ABL1: variants seen among roughly 807,000 people sequenced by gnomAD.
The protein encoded by ABL1 is tyrosine-protein kinase ABL1.
In ABL1, 11 loss-of-function variants were observed where a neutral mutation model predicts 94.7. That is an observed-to-expected ratio of 0.12 (90% CI 0.07 to 0.19). The LOEUF is 0.19. Ranked by LOEUF, ABL1 falls within the 10% of genes least tolerant of loss-of-function variation. The pLI is 1.00. For missense variants in ABL1, 1,082 were observed against 1,489.4 expected (o/e 0.73, Z 4.50); for synonymous variants, 656 against 622.4 (o/e 1.05, Z -0.80).
chr9:130,835,764 T>A lies in ABL1; in HGVS notation c.79+239T>A, dbSNP rs1180160768. ...TTGTCTCTCTCTTTTTCTCTCTCTCTGTCTCTTTCTCTTTCTCGCGATGGC... is the reference window on the plus strand; with the variant it reads ...TTGTCTCTCTCTTTTTCTCTCTCTCAGTCTCTTTCTCTTTCTCGCGATGGC... On this transcript the variant is annotated intron_variant, in intron 1 of 10. Transcript: ENST00000318560. The surrounding 1 kb of genome is among the most constrained non-coding windows in gnomAD (Gnocchi z 4.6). Among the ~76,000 whole-genome samples the A allele has an allele frequency of 6.6e-6, 1 of 152,200 alleles. No individual in the cohort carries two copies. The highest frequency in any genetic ancestry group is 2.4e-5 in the African/African-American group (1 of 41,458).
chr9:130,832,209 C>T (rs1477885113), upstream of ABL1, among the ~76,000 whole-genome samples: 1 of 151,086 alleles, frequency 6.6e-6, no homozygotes, highest in Admixed American at 6.6e-5. Context: ...CTGCATCCTC[C>T]ACCTCCCAGG....
chr9:130,760,696 C>T (rs910256189), intron 1 of ABL1, among the ~76,000 whole-genome samples: 2 of 151,250 alleles, frequency 1.3e-5, no homozygotes, highest in Non-Finnish European at 2.9e-5. Flanking sequence ...TGGAGTCTCG[C>T]TCTGTCGCCA....
intron 1 of ABL1, among the ~76,000 whole-genome samples, chr9:130,829,981 G>A (rs867525565): frequency 6.6e-6 from 1 of 152,058 alleles, no homozygotes; most frequent in Non-Finnish European, 1.5e-5. Flanking sequence ...CTGTCTCTGC[G>A]GAAACATACA....
At chr9:130,752,331 A>G (rs897849305) in intron 1 of ABL1, among the ~76,000 whole-genome samples, 3 of 152,128 alleles carry the variant, frequency 2.0e-5, no homozygotes, top group African/African-American at 7.2e-5. Flanking sequence ...TTCTGAGGAT[A>G]CTTTTATGGA....
Position 130,811,877 on chromosome 9 carries a change from A to G in ABL1, c.137-42187A>G, listed in dbSNP as rs962597444. Among the ~76,000 whole-genome samples, 5 of 143,364 alleles carry G rather than the reference A, an allele frequency of 3.5e-5. No individual in the cohort carries two copies. In the Admixed American group the frequency reaches 3.8e-4, roughly 11 times the overall value. 94.1% of individuals were successfully genotyped at this position (143,364 alleles called of 152,430 possible). ...CAGTGAGCGGAGATAGTGCTACTGC[A>G]CTGTAGTCTGAGCGACAGAGTGAGA... On this transcript the variant is annotated intron_variant, in intron 1 of 10. Coordinates refer to the ABL1 transcript ENST00000372348.
At chr9:130,799,300 G>C (rs531408559) in intron 1 of ABL1, among the ~76,000 whole-genome samples, 4 of 152,306 alleles carry the variant, frequency 2.6e-5, no homozygotes, top group African/African-American at 9.6e-5. Flanking sequence ...GTGTGACCAC[G>C]AAAGGGCCAT....
chr9:130,884,518 C>T lies in ABL1; in HGVS notation c.2228C>T (p.Thr743Met), dbSNP rs369171735. The change falls in exon 11 of 11, where the codon ACG becomes ATG. Residue 743 changes from threonine (T) to methionine (M), a missense_variant. Around this residue, in one of 7 missense-constraint regions of ABL1, gnomAD observed 780 missense variants for 835.8 expected, o/e 0.93. Coordinates refer to ENST00000318560, the MANE Select transcript of ABL1 (RefSeq NM_005157.6). This position sits in a 1 kb window ranked among gnomAD's most constrained non-coding sequence, Gnocchi z 5.6. Reference protein sequence around the residue: ...SVTLPRDLQSTGRQFDSSTFG... With the variant: ...SVTLPRDLQSMGRQFDSSTFG... The stretch of plus-strand genomic sequence containing the variant: ...ACGCTGCCTCGGGACTTGCAGTCCA[C>T]GGGAAGACAGTTTGACTCGTCCACA... 22 of 1,613,156 alleles carry T rather than the reference C, an allele frequency of 1.4e-5. No individual in the cohort carries two copies. The Admixed American group carries it at 1.7e-4, about 12-fold the overall frequency.
intron 1 of ABL1, among the ~76,000 whole-genome samples, chr9:130,750,783 A>G (rs537338380): frequency 8.7e-5 from 13 of 150,142 alleles, no homozygotes; most frequent in Admixed American, 2.0e-4. Context: ...AGTAGCTGGG[A>G]TTACAGGTGC....
At chr9:130,838,194 A>G (rs559432269) in intron 1 of ABL1, among the ~76,000 whole-genome samples, 1 of 152,362 alleles carries the variant, frequency 6.6e-6, no homozygotes, top group African/African-American at 2.4e-5. Flanking sequence ...TCACAGAGCC[A>G]GTGAGTGGGG....
intron 1 of ABL1, among the ~76,000 whole-genome samples, chr9:130,766,465 G>A (rs35858675): frequency 6.6e-6 from 1 of 152,198 alleles, no homozygotes; most frequent in Non-Finnish European, 1.5e-5. Flanking sequence ...GTCTCATTGG[G>A]ATACAAATGA....
intron 1 of ABL1, among the ~76,000 whole-genome samples, chr9:130,735,230 A>G (rs559793224): frequency 1.3e-5 from 2 of 151,966 alleles, no homozygotes; most frequent in Non-Finnish European, 2.9e-5. Context: ...GGGTTTCACC[A>G]TGTTGGCCAG....
At chr9:130,788,981 C>T (rs545523255) in intron 1 of ABL1, among the ~76,000 whole-genome samples, 4 of 152,258 alleles carry the variant, frequency 2.6e-5, no homozygotes, top group Admixed American at 2.6e-4. Context: ...ATTTGCTTTT[C>T]GGTTTTTGTT....
intron 1 of ABL1, among the ~76,000 whole-genome samples, chr9:130,781,894 A>G (rs2855179): frequency 0.51 from 76,844 of 151,700 alleles, 19,925 homozygotes; most frequent in African/African-American, 0.61. Context: ...ATTGTGACCC[A>G]TATGAGGAAT....
At chr9:130,852,597 TTA>T (rs1375569464) in intron 1 of ABL1, among the ~76,000 whole-genome samples, 1 of 152,202 alleles carries the variant, frequency 6.6e-6, no homozygotes, top group African/African-American at 2.4e-5. Flanking sequence ...CTACTTGAGG[TTA>T]TTTGATTTGC....
chr9:130,859,677 CTTTTTTTTTTTTTTTTTT>C (rs869234280), intron 3 of ABL1, among the ~76,000 whole-genome samples: 6 of 78,460 alleles, frequency 7.6e-5, no homozygotes, highest in African/African-American at 4.0e-4. Context: ...TCTTTCTTTC[CTTTTTTTTTTTTTTTTTT>C]TTTTTTTTTT....
chr9:130,731,958 G>A (rs1220869402), intron 1 of ABL1, among the ~76,000 whole-genome samples: 1 of 149,472 alleles, frequency 6.7e-6, no homozygotes, highest in East Asian at 1.9e-4. Context: ...CCTGTCAATT[G>A]TTTCAAATTT....
At chr9:130,861,267 T>C (rs556080237) in intron 3 of ABL1, among the ~76,000 whole-genome samples, 12 of 152,344 alleles carry the variant, frequency 7.9e-5, no homozygotes, top group African/African-American at 2.4e-4. Flanking sequence ...TTTAGTGATA[T>C]TGTTACCAAA....
intron 1 of ABL1, 119 bp from the exon 2 acceptor site, chr9:130,853,940 AGAAAT>A: frequency 2.0e-6 from 2 of 999,748 alleles, no homozygotes; most frequent in East Asian, 2.5e-5. Flanking sequence ...ACAGATGTTA[AGAAAT>A]GAAATAGGAA....
At chr9:130,779,353 T>G (rs1829725400) in intron 1 of ABL1, among the ~76,000 whole-genome samples, 2 of 152,242 alleles carry the variant, frequency 1.3e-5, no homozygotes, top group African/African-American at 2.4e-5. Flanking sequence ...ATAACAGTCA[T>G]CGTTCATGAT....
Sources: gnomAD v4.1 joint callset for allele counts (sites outside exome capture counted in the v4.1 genomes callset) on GRCh38, gnomAD v4.1.1 for gene constraint, gnomAD v4.1.1 regional missense constraint, Gnocchi (gnomAD v3.1) non-coding constraint, MANE v1.5 for transcripts, NCBI Gene and HGNC (gene_info 2026-07-23, HGNC 2026-07-21) for gene names.